LRP1B: variants seen among roughly 807,000 people sequenced by gnomAD.
The protein encoded by LRP1B is LDL receptor related protein 1B.
LRP1B carries 217 observed loss-of-function variants against 556.6 expected under a neutral mutation model. The ratio of observed to expected loss-of-function variants is 0.39; its 90% confidence interval spans 0.35 to 0.44. The LOEUF (loss-of-function observed/expected upper bound fraction) is 0.44, where lower values mean the gene tolerates loss of function less well. Ranked by LOEUF, LRP1B falls within the 20% of genes least tolerant of loss-of-function variation. LRP1B has a pLI of 1.00. For synonymous variants in LRP1B, 2,047 were observed against 1,865.8 expected, an observed-to-expected ratio of 1.10 and a Z score of -2.50; for missense variants, 5,053 against 5,620.8, an observed-to-expected ratio of 0.90 and a Z score of 3.23.
At chr2:141,537,477 T>G (rs1685106792) in intron 2 of LRP1B, among the ~76,000 whole-genome samples, 1 of 152,132 alleles carries the variant, frequency 6.6e-6, no homozygotes, top group African/African-American at 2.4e-5. Flanking sequence ...AAAATGGTAC[T>G]GACTGTTTAA....
intron 3 of LRP1B, among the ~76,000 whole-genome samples, chr2:141,425,031 T>C (rs1397466368): frequency 6.6e-6 from 1 of 151,264 alleles, no homozygotes; most frequent in African/African-American, 2.4e-5. Context: ...AACTCGTCAT[T>C]TAGCATTAGG....
At chr2:141,964,276 T>C (rs1208107541) in intron 1 of LRP1B, among the ~76,000 whole-genome samples, 2 of 150,626 alleles carry the variant, frequency 1.3e-5, no homozygotes, top group African/African-American at 4.9e-5. Flanking sequence ...AAAAAGAGCC[T>C]GCATCGCCAA....
intron 44 of LRP1B, among the ~76,000 whole-genome samples, 166 bp from the exon 45 acceptor site, chr2:140,541,264 A>C (rs1363588260): frequency 1.3e-5 from 2 of 152,158 alleles, no homozygotes; most frequent in African/African-American, 4.8e-5. Flanking sequence ...GGCTAAGTAC[A>C]TTACAAAAGT....
intron 7 of LRP1B, among the ~76,000 whole-genome samples, chr2:141,070,536 C>A (rs1284548155): frequency 1.6e-4 from 25 of 151,984 alleles, no homozygotes; most frequent in Middle Eastern, 3.4e-3. Context: ...GAGACACAAA[C>A]AACCCTTCAA....
chr2:140,470,186 A>T (rs949466674), intron 60 of LRP1B, among the ~76,000 whole-genome samples: 3 of 152,226 alleles, frequency 2.0e-5, no homozygotes, highest in Non-Finnish European at 2.9e-5. Context: ...CAAGTGTTCA[A>T]CTTTGAAATA....
intron 23 of LRP1B, among the ~76,000 whole-genome samples, chr2:140,888,849 G>A (rs1693715396): frequency 6.6e-6 from 1 of 151,198 alleles, no homozygotes; most frequent in African/African-American, 2.4e-5. Context: ...TGTAATCCCA[G>A]CTACTCAGGA....
intron 84 of LRP1B, among the ~76,000 whole-genome samples, chr2:140,282,729 C>CT (rs1339104690): frequency 6.6e-6 from 1 of 151,802 alleles, no homozygotes; most frequent in Non-Finnish European, 1.5e-5. Context: ...CACACCTGAG[C>CT]TGAAGGTTCA....
At chr2:141,204,827 T>C (rs1394695638) in intron 6 of LRP1B, among the ~76,000 whole-genome samples, 2 of 151,710 alleles carry the variant, frequency 1.3e-5, no homozygotes, top group Non-Finnish European at 2.9e-5. Context: ...ATCCCAACTA[T>C]TTGGGAGGCT....
At chr2:141,038,822 A>G (rs922690098) in intron 11 of LRP1B, among the ~76,000 whole-genome samples, 6 of 152,136 alleles carry the variant, frequency 3.9e-5, no homozygotes, top group Non-Finnish European at 7.4e-5. Context: ...GAATTCCATA[A>G]TGCTAAGTAT....
At chr2:140,250,319 T>C (rs1681354270) in intron 86 of LRP1B, among the ~76,000 whole-genome samples, 2 of 151,852 alleles carry the variant, frequency 1.3e-5, no homozygotes, top group African/African-American at 4.8e-5. Flanking sequence ...CCATGAATTT[T>C]AACCAAGTAT....
rs201931081 is a variant in LRP1B at position 140,322,135 on chromosome 2, T to C, written c.12515-47A>G. 11 of 1,555,564 alleles carry C rather than the reference T, an allele frequency of 7.1e-6. No homozygotes were observed. In the Admixed American group the frequency reaches 1.8e-4, roughly 25 times the overall value. On this transcript the variant is annotated intron_variant, in intron 81 of 90. Transcript: ENST00000389484. The stretch of plus-strand genomic sequence containing the variant: ...AAGAAGTGTGTAAATATAGATACAA[T>C]AGGCTTCAAAAGCATAAAATTAAAT...
chr2:140,751,451 G>A (rs1214373730), intron 35 of LRP1B, among the ~76,000 whole-genome samples: 1 of 152,064 alleles, frequency 6.6e-6, no homozygotes, highest in Non-Finnish European at 1.5e-5. Flanking sequence ...AGCACACAGT[G>A]GTCCTCCAAT....
chr2:141,727,194 T>C (rs1298472410), intron 2 of LRP1B, among the ~76,000 whole-genome samples: 2 of 152,230 alleles, frequency 1.3e-5, no homozygotes, highest in East Asian at 3.9e-4. Flanking sequence ...TAGCAGATAA[T>C]AGGTTAAGTA....
chr2:140,484,364 A>G (rs766768989), intron 59 of LRP1B, among the ~76,000 whole-genome samples: 3 of 152,202 alleles, frequency 2.0e-5, no homozygotes, highest in Non-Finnish European at 2.9e-5. Flanking sequence ...AGATACATTA[A>G]CGAGAAGCAA....
At chr2:140,522,283 C>T (rs1574036228) in intron 49 of LRP1B, among the ~76,000 whole-genome samples, 1 of 152,002 alleles carries the variant, frequency 6.6e-6, no homozygotes, top group African/African-American at 2.4e-5. Context: ...GAGGAATACT[C>T]AAAACCACAT....
chr2:142,026,609 T>C (rs1703513943), intron 1 of LRP1B, among the ~76,000 whole-genome samples: 1 of 152,086 alleles, frequency 6.6e-6, no homozygotes, highest in Non-Finnish European at 1.5e-5. Flanking sequence ...AATCTTTTTC[T>C]AGACAGTGAT....
intron 59 of LRP1B, among the ~76,000 whole-genome samples, chr2:140,477,289 C>T (rs1340200815): frequency 1.3e-5 from 2 of 152,000 alleles, no homozygotes; most frequent in African/African-American, 4.8e-5. Context: ...TATATTTATT[C>T]CAGCTTCCCT....
At chr2:141,772,708 C>T (rs1329940542) in intron 2 of LRP1B, among the ~76,000 whole-genome samples, 1 of 152,196 alleles carries the variant, frequency 6.6e-6, no homozygotes, top group African/African-American at 2.4e-5. Context: ...CTGGAATACT[C>T]ATAGCCCTGG....
chr2:141,383,913 T>A (rs1373371007), intron 3 of LRP1B, among the ~76,000 whole-genome samples: 2 of 152,156 alleles, frequency 1.3e-5, no homozygotes, highest in African/African-American at 4.8e-5. Context: ...ATAGGATAAG[T>A]AAGTTCTAGA....
Sources: gnomAD v4.1 joint callset for allele counts (sites outside exome capture counted in the v4.1 genomes callset) on GRCh38, gnomAD v4.1.1 for gene constraint, MANE v1.5 for transcripts, NCBI Gene and HGNC (gene_info 2026-07-23, HGNC 2026-07-21) for gene names.